The following MDC1 variants were observed in gnomAD, a reference collection of about 807,000 sequenced individuals.
MDC1 encodes mediator of DNA damage checkpoint protein 1.
In MDC1, 81 loss-of-function variants were observed where a neutral mutation model predicts 142.5. The observed-to-expected ratio is 0.57, with a 90% confidence interval of 0.47 to 0.68. The LOEUF is 0.68. Among genes scored for constraint, MDC1 ranks in the 30% least tolerant of loss-of-function variants. MDC1 has a pLI of 0.00. For synonymous variants in MDC1, 797 were observed against 968.4 expected, an observed-to-expected ratio of 0.82 and a Z score of 3.29; for missense variants, 2,119 against 2,547.9, an observed-to-expected ratio of 0.83 and a Z score of 3.62.
At position 30,705,705 on chromosome 6, in the gene MDC1, G is replaced by A. The variant is rs775535131; in HGVS notation, c.3478C>T (p.Pro1160Ser). ...AGCTCAGGGGCTGTGGGGACAACTG[G>A]TTCAGGGGTCTTGACAGAGGACCTA... is the stretch of plus-strand genomic sequence containing the variant. The part of the protein sequence containing the change: ...TNRSSVKTPE[P>S]VVPTAPELQP... The change falls in exon 10 of 15, where the codon CCA (proline) becomes TCA (serine). Residue 1160 changes from proline (P) to serine (S), a missense_variant. Coordinates refer to ENST00000376406, the MANE Select transcript of MDC1 (RefSeq NM_014641.3). The A allele has an allele frequency of 1.9e-6, 3 of 1,611,396 alleles. No homozygotes were observed. Among genetic ancestry groups the A allele is most frequent in the South Asian group, 1.1e-5 (1 of 90,864 alleles).
chr6:30,709,539 A>G lies in MDC1; in HGVS notation c.2222-1182T>C, dbSNP rs73422044. Among the ~76,000 whole-genome samples the G allele has an allele frequency of 0.034, 5,216 of 152,316 alleles. 199 individuals carry two copies. Among genetic ancestry groups the G allele is most frequent in the African/African-American group, 0.088 (3,676 of 41,554 alleles). ...CTTGGAAACATATCAAATCTCTTCT[A>G]GCTATTTTGAAATACACAATAAATT... On this transcript the variant is annotated intron_variant, in intron 7 of 14. Transcript: ENST00000376406. This position sits in a 1 kb window ranked among gnomAD's most constrained non-coding sequence, Gnocchi z 4.2.
chr6:30,701,105 A>C lies in MDC1; in HGVS notation c.6103-473T>G, dbSNP rs1004225289. 1.8e-4 allele frequency among the ~76,000 whole-genome samples: 26 copies of C among 148,524 alleles called. 1 individual carries two copies. Among genetic ancestry groups the C allele is most frequent in the Admixed American group, 1.7e-3 (26 of 14,914 alleles). The stretch of plus-strand genomic sequence containing the variant: ...AAAAAAAAAAAGAAAAAAAAAAAAG[A>C]AATACTCTTGCTAGAGGCCAGGCAC... On this transcript the variant is annotated intron_variant, in intron 14 of 14. Transcript: ENST00000376406.
chr6:30,706,135 G>A (rs1773762683), intron 9 of MDC1, 37 bp from the exon 10 acceptor site: 2 of 1,480,168 alleles, frequency 1.4e-6, no homozygotes, highest in East Asian at 2.3e-5. Context: ...GGGAGGAGGT[G>A]GAGAAAAGAG....
chr6:30,708,439 A>C, intron 7 of MDC1, 82 bp from the exon 8 acceptor site: 1 of 1,025,258 alleles, frequency 9.8e-7, no homozygotes, highest in Middle Eastern at 2.3e-4. Flanking sequence ...GTACAGGTTG[A>C]CATAATAAAT....
chr6:30,712,422 C>G lies in MDC1; in HGVS notation c.1520G>C (p.Gly507Ala). Residue 507 changes from glycine (G) to alanine (A), a missense_variant, in exon 5 of 15, where the codon GGG becomes GCG. Transcript: ENST00000376406. This position sits in a 1 kb window ranked among gnomAD's most constrained non-coding sequence, Gnocchi z 4.7. ...GGCTTGGCTTCTCTCCAGGTGGATC[C>G]CAGGTGAGCTCTTATCTGCTTCCAC... ...DSVEADKSSP[G>A]IHLERSQAST... is the part of the protein sequence containing the mutation. The G allele has an allele frequency of 6.2e-7, 1 of 1,613,002 alleles. No homozygotes were observed. Among genetic ancestry groups the G allele is most frequent in the Non-Finnish European group, 8.5e-7 (1 of 1,179,990 alleles).
rs930461675 is a variant in MDC1 at position 30,713,496 on chromosome 6, G to C, written c.588-142C>G. On this transcript the variant is annotated intron_variant, in intron 4 of 14. Coordinates refer to ENST00000376406, the MANE Select transcript of MDC1 (RefSeq NM_014641.3). This position sits in a 1 kb window ranked among gnomAD's most constrained non-coding sequence, Gnocchi z 4.9. ...AATTTGTTTTCCACTTGGCACATCA[G>C]ATGTGCTCCATAAAAATTCAGCTGA... 3.2e-6 allele frequency: 4 copies of C among 1,245,806 alleles called. 1 individual carries two copies. Among genetic ancestry groups the C allele is most frequent in the Middle Eastern group, 5.5e-4 (2 of 3,604 alleles). 77.2% of individuals were successfully genotyped at this position (1,245,806 alleles called of 1,614,324 possible).
Position 30,711,705 on chromosome 6 carries a change from T to G in MDC1, c.2090A>C (p.Gln697Pro), listed in dbSNP as rs749247629. 1.2e-5 allele frequency: 19 copies of G among 1,612,894 alleles called. No individual in the cohort carries two copies. Among genetic ancestry groups the G allele is most frequent in the Admixed American group, 1.7e-5 (1 of 60,002 alleles). ...ATTCTCCAGAAAGCACTGGGTAGCT[T>G]GTAGGTCCAGATCTTCAGAATCTGG... ...NYGDSEDLDL[Q>P]ATQCFLENQG... is the part of the protein sequence containing the mutation. The change falls in exon 6 of 15, where the codon CAA becomes CCA. Residue 697 changes from glutamine to proline, a missense_variant. Transcript: ENST00000376406.
Position 30,700,259 on chromosome 6 carries a change from G to T in MDC1, c.*206C>A. On this transcript the variant is annotated 3_prime_UTR_variant, in exon 15 of 15. Coordinates refer to ENST00000376406, the MANE Select transcript of MDC1 (RefSeq NM_014641.3). ...CTATAAATACAAATAAAATAAAATG[G>T]CCATTAAAAAAACAAACAAACAAAC... 1 of 434,644 alleles carries T rather than the reference G, an allele frequency of 2.3e-6. No individual in the cohort carries two copies. The highest frequency in any genetic ancestry group is 4.0e-6 in the Non-Finnish European group (1 of 248,408). 26.9% of individuals were successfully genotyped at this position (434,644 alleles called of 1,614,324 possible).
rs1774241882 is a variant in MDC1, at chr6:30,708,245, G to A, written c.2334C>T (p.Cys778=). Residue 778 remains cysteine (C), a synonymous_variant, in exon 8 of 15, where the codon TGC becomes TGT. Coordinates refer to ENST00000376406, the MANE Select transcript of MDC1 (RefSeq NM_014641.3). Reference sequence around the variant, plus strand: ...CTGGTATTGCCCTAGGTGGAGACAGGCAAGGTCCATAGGCCTCAAGGTGCG... The same window carrying A: ...CTGGTATTGCCCTAGGTGGAGACAGACAAGGTCCATAGGCCTCAAGGTGCG... The part of the protein sequence containing the change: ...FDTHLEAYGP[C]LSPPRAIPGD... 6 of 1,612,944 alleles carry A rather than the reference G, an allele frequency of 3.7e-6. No homozygotes were observed. The African/African-American group carries it at 4.0e-5, about 11-fold the overall frequency.
Position 30,712,277 on chromosome 6 carries a change from T to G in MDC1, c.1665A>C (p.Ala555=). The part of the protein sequence containing the change: ...VEGTNQTDVK[A]VGGPAKLLVV... ...CAAGCAGCTTTGCTGGTCCCCCAAC[T>G]GCTTTCACATCTGTTTGATTTGTCC... The change falls in exon 5 of 15, where the codon GCA becomes GCC. Residue 555 remains alanine (A), a synonymous_variant. Coordinates refer to ENST00000376406, the MANE Select transcript of MDC1 (RefSeq NM_014641.3). This position sits in a 1 kb window ranked among gnomAD's most constrained non-coding sequence, Gnocchi z 4.7. The G allele has an allele frequency of 6.2e-7, 1 of 1,613,140 alleles. No individual in the cohort carries two copies.
Position 30,700,739 on chromosome 6 carries a change from G to A in MDC1, c.6103-107C>T, listed in dbSNP as rs976964640. 2.8e-6 allele frequency: 3 copies of A among 1,071,480 alleles called. No homozygotes were observed. The African/African-American group carries it at 4.7e-5, about 17-fold the overall frequency. The allele number at this position is 1,071,480 out of a possible 1,614,324, so 66.4% of individuals were successfully genotyped here. ...TCACTAAAATAATACCTCCTAATAT[G>A]AAGCCAAGTGAAGCACACCGCATAC... is the stretch of plus-strand genomic sequence containing the variant. On this transcript the variant is annotated intron_variant, in intron 14 of 14. Transcript: ENST00000376406.
rs1334387627 is a variant in MDC1, at chr6:30,716,081, C to A, written c.-3-903G>T. On this transcript the variant is annotated intron_variant, in intron 1 of 14. Transcript: ENST00000376406. This position sits in a 1 kb window ranked among gnomAD's most constrained non-coding sequence, Gnocchi z 4.4. ...TCGCCCGCAAAAGCCTATGGTTCAGCCAGACATTTTCCCCAGTCTTCGAAC... is the reference window on the plus strand; with the variant it reads ...TCGCCCGCAAAAGCCTATGGTTCAGACAGACATTTTCCCCAGTCTTCGAAC... Among the ~76,000 whole-genome samples, 5 of 152,166 alleles carry A rather than the reference C, an allele frequency of 3.3e-5. No individual in the cohort carries two copies. Among genetic ancestry groups the A allele is most frequent in the African/African-American group, 1.2e-4 (5 of 41,434 alleles).
intron 7 of MDC1, 25 bp from the exon 8 acceptor site, chr6:30,708,382 AGAGAGG>A (rs1342688555): frequency 6.9e-6 from 11 of 1,582,998 alleles, no homozygotes; most frequent in East Asian, 2.2e-5. Flanking sequence ...AGGAAGAGAG[AGAGAGG>A]GAGAGGGAGA....
At chr6:30,710,464 C>T (rs1252253334) in intron 7 of MDC1, among the ~76,000 whole-genome samples, 1 of 151,666 alleles carries the variant, frequency 6.6e-6, no homozygotes, top group South Asian at 2.1e-4. Context: ...ATGGCACAAT[C>T]TCAGCTCACT....
In MDC1 at chr6:30,707,906, C is replaced by T. The variant is rs1194911392; in HGVS notation, c.2673G>A (p.Lys891=). The T allele has an allele frequency of 9.3e-6, 15 of 1,613,062 alleles. No individual in the cohort carries two copies. The highest frequency in any genetic ancestry group is 1.3e-5 in the Non-Finnish European group (15 of 1,180,038). The change falls in exon 8 of 15, where the codon AAG becomes AAA. Residue 891 remains lysine (K), a synonymous_variant. Coordinates refer to ENST00000376406, the MANE Select transcript of MDC1 (RefSeq NM_014641.3). ...TTTCCTCAGATGTCTCAATTTCTAC[C>T]TTCAAACTCTCCCTATCTCTTTCAG... is the stretch of plus-strand genomic sequence containing the variant. The part of the protein sequence containing the change: ...ASPERDRESL[K]VEIETSEEIQ...
Position 30,705,902 on chromosome 6 carries a change from A to G in MDC1, c.3281T>C (p.Leu1094Ser), listed in dbSNP as rs767974467. The G allele has an allele frequency of 6.2e-7, 1 of 1,613,278 alleles. No individual in the cohort carries two copies. Among genetic ancestry groups the G allele is most frequent in the East Asian group, 2.2e-5 (1 of 44,880 alleles). The change falls in exon 10 of 15, where the codon TTG becomes TCG. Residue 1094 changes from leucine to serine, a missense_variant. By Grantham distance (145) the Leu-to-Ser change is moderately radical (BLOSUM62 -2). Coordinates refer to ENST00000376406, the MANE Select transcript of MDC1 (RefSeq NM_014641.3). ...DGSQEAPEAP[L>S]SSELEPFHPK... Reference sequence around the variant, plus strand: ...GTGGAAAGGCTCCAGCTCTGAGGACAAGGGAGCCTCTGGAGCTTCCTGACT... The same window carrying G: ...GTGGAAAGGCTCCAGCTCTGAGGACGAGGGAGCCTCTGGAGCTTCCTGACT...
chr6:30,710,613 T>C (rs1042472422), intron 7 of MDC1, among the ~76,000 whole-genome samples: 2 of 152,132 alleles, frequency 1.3e-5, no homozygotes, highest in Non-Finnish European at 2.9e-5. Context: ...GTCAGGCTGG[T>C]CTCAAGCTCC....
Position 30,707,951 on chromosome 6 carries a change from T to A in MDC1, c.2628A>T (p.Lys876Asn). 3 of 1,613,120 alleles carry A rather than the reference T, an allele frequency of 1.9e-6. No homozygotes were observed. The highest frequency in any genetic ancestry group is 2.5e-6 in the Non-Finnish European group (3 of 1,180,034). The change falls in exon 8 of 15, where the codon AAA (lysine) becomes AAT (asparagine). Residue 876 changes from lysine (K) to asparagine (N), a missense_variant. Physicochemically the swap from Lys to Asn is moderately conservative, Grantham distance 94. Transcript: ENST00000376406. ...TTTCAGGACTTGCACTTTCCCCATT[T>A]TTGTCAGATTCTTGTCTCTGGGTGT... ...ARDTQRQESD[K>N]NGESASPERD... is the part of the protein sequence containing the mutation.
chr6:30,714,969 C>A, intron 2 of MDC1, 71 bp downstream of exon 2: 1 of 1,552,880 alleles, frequency 6.4e-7, no homozygotes, highest in Non-Finnish European at 8.8e-7. Context: ...AAGCTTCTTG[C>A]AACCCTCCAA....
Sources: gnomAD v4.1 joint callset for allele counts (sites outside exome capture counted in the v4.1 genomes callset) on GRCh38, gnomAD v4.1.1 for gene constraint, Gnocchi (gnomAD v3.1) non-coding constraint, MANE v1.5 for transcripts, NCBI Gene and HGNC (gene_info 2026-07-23, HGNC 2026-07-21) for gene names.